The following PPP2R5E variants were observed in gnomAD, a reference collection of about 807,000 sequenced individuals.
PPP2R5E encodes the protein protein phosphatase 2 regulatory subunit B'epsilon, also known as serine/threonine-protein phosphatase 2A 56 kDa regulatory subunit epsilon isoform.
A neutral mutation model predicts 65.3 loss-of-function variants in PPP2R5E; 4 were observed. The observed-to-expected ratio is 0.06, with a 90% CI of 0.03 to 0.14. PPP2R5E has a LOEUF of 0.14. PPP2R5E is among the 10% of genes least tolerant of loss of function. The probability of loss-of-function intolerance (pLI) is 1.00; values close to 1 mark genes in which losing one functional copy is unlikely to be tolerated. For missense variants in PPP2R5E, 274 were observed against 556.1 expected (o/e 0.49, Z 5.10); for synonymous variants, 183 against 187.4 (o/e 0.98, Z 0.19).
chr14:63,430,393 A>ACATG (rs1333941542), intron 3 of PPP2R5E, among the ~76,000 whole-genome samples: 4,444 of 138,588 alleles, frequency 0.032, 261 homozygotes, highest in African/African-American at 0.13. Context: ...ATACATACAT[A>ACATG]CATACATGCA....
intron 3 of PPP2R5E, among the ~76,000 whole-genome samples, chr14:63,449,423 AC>A (rs1261694964): frequency 2.6e-5 from 4 of 152,186 alleles, no homozygotes; most frequent in Non-Finnish European, 5.9e-5. Flanking sequence ...CATGTTAGAG[AC>A]TGTTCTAAAA....
At chr14:63,542,368 T>C (rs1165609262) in intron 1 of PPP2R5E, among the ~76,000 whole-genome samples, 1 of 151,910 alleles carries the variant, frequency 6.6e-6, no homozygotes, top group East Asian at 1.9e-4. Flanking sequence ...TAAGGGGAAG[T>C]AGGGAAAGAC....
intron 2 of PPP2R5E, among the ~76,000 whole-genome samples, chr14:63,511,484 T>C (rs548282528): frequency 1.3e-5 from 2 of 152,316 alleles, no homozygotes; most frequent in East Asian, 1.9e-4. Flanking sequence ...CCAGCTTAAA[T>C]TGCCAAACCA....
chr14:63,501,771 G>A (rs1432007746), intron 2 of PPP2R5E, among the ~76,000 whole-genome samples: 2 of 152,126 alleles, frequency 1.3e-5, no homozygotes, highest in East Asian at 1.9e-4. Context: ...TATTCAAAAC[G>A]GAACCATACT....
At chr14:63,427,482 C>T (rs906973819) in intron 3 of PPP2R5E, among the ~76,000 whole-genome samples, 11 of 151,872 alleles carry the variant, frequency 7.2e-5, no homozygotes, top group African/African-American at 1.9e-4. Flanking sequence ...GAATACACAT[C>T]GGATGTTAGG....
rs570415105 is a variant in PPP2R5E at position 63,375,734 on chromosome 14, G to C, written c.*275C>G. 2.1e-5 allele frequency: 5 copies of C among 236,956 alleles called. No individual in the cohort carries two copies. The highest frequency in any genetic ancestry group is 3.1e-5 in the Non-Finnish European group (4 of 128,198). 14.7% of individuals were successfully genotyped at this position (236,956 alleles called of 1,614,324 possible). ...TTTTAACATAGCAATTTCATCAACA[G>C]ATCTTTGAAGACCGATTTTTTTTTT... On this transcript the variant is annotated 3_prime_UTR_variant, in exon 14 of 14. Coordinates refer to ENST00000337537, the MANE Select transcript of PPP2R5E (RefSeq NM_006246.5).
intron 2 of PPP2R5E, among the ~76,000 whole-genome samples, chr14:63,468,497 C>A (rs10483773): frequency 0.33 from 50,112 of 152,082 alleles, 11,007 homozygotes; most frequent in African/African-American, 0.62. Context: ...ACGTGTCAAA[C>A]TCCTGAAGGG....
At chr14:63,376,211 T>A in intron 13 of PPP2R5E, 103 bp from the exon 14 acceptor site, 1 of 738,090 alleles carries the variant, frequency 1.4e-6, no homozygotes. Context: ...ATACTTAGCT[T>A]AATTGAGAAA....
Position 63,509,917 on chromosome 14 carries a change from A to G in PPP2R5E, c.157+29612T>C, listed in dbSNP as rs184036326. On this transcript the variant is annotated intron_variant, in intron 2 of 13. Coordinates refer to ENST00000337537, the MANE Select transcript of PPP2R5E (RefSeq NM_006246.5). ...GGTTTGGGAGCTTGCAGGAATTTCAAGAGTACACAAAGAAGGCATCAACAC... is the reference window on the plus strand; with the variant it reads ...GGTTTGGGAGCTTGCAGGAATTTCAGGAGTACACAAAGAAGGCATCAACAC... Among the ~76,000 whole-genome samples the G allele has an allele frequency of 7.9e-4, 121 of 152,314 alleles. 1 individual carries two copies. Among genetic ancestry groups the G allele is most frequent in the Admixed American group, 1.9e-3 (29 of 15,294 alleles).
intron 2 of PPP2R5E, among the ~76,000 whole-genome samples, chr14:63,467,251 A>AAAAC (rs1566724791): frequency 6.6e-6 from 1 of 150,726 alleles, no homozygotes; most frequent in Non-Finnish European, 1.5e-5. Context: ...AACAAAAAAA[A>AAAAC]CACTATTTAC....
chr14:63,429,669 G>GTTTTTGT (rs562838814), intron 3 of PPP2R5E, among the ~76,000 whole-genome samples: 1 of 150,824 alleles, frequency 6.6e-6, no homozygotes, highest in South Asian at 2.1e-4. Context: ...TTGTTTGTTT[G>GTTTTTGT]TTTTTGTTTT....
rs72714250 is a variant in PPP2R5E, at chr14:63,458,418, A to C, written c.158-4533T>G. Among the ~76,000 whole-genome samples the C allele has an allele frequency of 3.3e-3, 506 of 152,346 alleles. 1 individual carries two copies. The highest frequency in any genetic ancestry group is 5.4e-3 in the Non-Finnish European group (369 of 68,026). On this transcript the variant is annotated intron_variant, in intron 2 of 13. Transcript: ENST00000337537. ...TGCCTCATTCAGCACTTTGCAAAGC[A>C]AAAAGTAACAAGGGTAGAAGAAATA...
At chr14:63,429,830 C>T (rs1328106733) in intron 3 of PPP2R5E, among the ~76,000 whole-genome samples, 1 of 151,940 alleles carries the variant, frequency 6.6e-6, no homozygotes, top group Non-Finnish European at 1.5e-5. Context: ...TTAGAGGTAC[C>T]CGCCACCACG....
chr14:63,496,905 G>GT (rs1447742828), intron 2 of PPP2R5E, among the ~76,000 whole-genome samples: 6 of 150,546 alleles, frequency 4.0e-5, no homozygotes, highest in Non-Finnish European at 7.4e-5. Flanking sequence ...AAAAAAGGTA[G>GT]TTTTCCAAGA....
At chr14:63,494,762 G>A (rs1467544597) in intron 2 of PPP2R5E, among the ~76,000 whole-genome samples, 10 of 151,908 alleles carry the variant, frequency 6.6e-5, no homozygotes, top group Non-Finnish European at 1.3e-4. Flanking sequence ...AAGCATGGTG[G>A]TGCGTGCCTG....
At chr14:63,527,892 G>A (rs371733069) in intron 2 of PPP2R5E, among the ~76,000 whole-genome samples, 3 of 150,664 alleles carry the variant, frequency 2.0e-5, no homozygotes, top group Admixed American at 6.6e-5. Flanking sequence ...CAGAGATCGC[G>A]TCACTGCACT....
At chr14:63,476,029 C>A (rs1477436790) in intron 2 of PPP2R5E, among the ~76,000 whole-genome samples, 2 of 152,088 alleles carry the variant, frequency 1.3e-5, no homozygotes, top group Non-Finnish European at 2.9e-5. Flanking sequence ...CAATTCATGG[C>A]CATAAAAATA....
intron 10 of PPP2R5E, among the ~76,000 whole-genome samples, chr14:63,391,099 C>T (rs1177295157): frequency 2.0e-5 from 3 of 152,172 alleles, no homozygotes; most frequent in Admixed American, 6.5e-5. Flanking sequence ...CGTCTATGTA[C>T]AGTGACAGCA....
chr14:63,481,622 G>C (rs1458913999), intron 2 of PPP2R5E, among the ~76,000 whole-genome samples: 1 of 151,690 alleles, frequency 6.6e-6, no homozygotes, highest in Non-Finnish European at 1.5e-5. Flanking sequence ...ATTTCATTGA[G>C]ATACATTTCC....
Sources: gnomAD v4.1 joint callset for allele counts (sites outside exome capture counted in the v4.1 genomes callset) on GRCh38, gnomAD v4.1.1 for gene constraint, MANE v1.5 for transcripts, NCBI Gene and HGNC (gene_info 2026-07-23, HGNC 2026-07-21) for gene names.